The following STK32B variants were observed in gnomAD, a reference collection of about 807,000 sequenced individuals.
The protein encoded by STK32B is serine/threonine kinase 32B, also known as serine/threonine-protein kinase 32B.
A neutral mutation model predicts 52.6 loss-of-function variants in STK32B; 43 were observed. That is an observed-to-expected ratio of 0.82 (90% CI 0.64 to 1.05). The LOEUF is 1.05. Ranked by LOEUF, STK32B falls within the 50% of genes least tolerant of loss-of-function variation. The pLI, the probability that STK32B is intolerant of heterozygous loss-of-function variation, is 0.00. For synonymous variants in STK32B, 238 were observed against 204.3 expected (o/e 1.17, Z -1.41); for missense variants, 621 against 534.6 (o/e 1.16, Z -1.59).
At chr4:5,123,547 C>T (rs1466992001) in intron 1 of STK32B, among the ~76,000 whole-genome samples, 1 of 152,124 alleles carries the variant, frequency 6.6e-6, no homozygotes, top group Non-Finnish European at 1.5e-5. Context: ...GGCAACAAGT[C>T]TGAGATCAAG....
At chr4:5,174,381 A>G (rs972216160) in intron 3 of STK32B, among the ~76,000 whole-genome samples, 4 of 152,172 alleles carry the variant, frequency 2.6e-5, no homozygotes, top group African/African-American at 9.7e-5. Flanking sequence ...TAGTTGATGC[A>G]GTTTCTTCCT....
chr4:5,392,106 A>AT (rs2109037608), intron 4 of STK32B, among the ~76,000 whole-genome samples: 1 of 152,356 alleles, frequency 6.6e-6, no homozygotes, highest in African/African-American at 2.4e-5. Flanking sequence ...GTAATAAATG[A>AT]TAAGTTTCCT....
chr4:5,211,563 A>G (rs1722905691), intron 3 of STK32B, among the ~76,000 whole-genome samples: 1 of 152,086 alleles, frequency 6.6e-6, no homozygotes, highest in South Asian at 2.1e-4. Flanking sequence ...CTGTCCAGGG[A>G]GGTAGGACTA....
At chr4:5,435,551 T>G (rs1577492559) in intron 6 of STK32B, among the ~76,000 whole-genome samples, 1 of 152,230 alleles carries the variant, frequency 6.6e-6, no homozygotes, top group Non-Finnish European at 1.5e-5. Flanking sequence ...CAGATGCTCC[T>G]TAAAGATTAA....
intron 8 of STK32B, among the ~76,000 whole-genome samples, chr4:5,457,231 T>TA (rs1553893912): frequency 7.5e-5 from 11 of 146,410 alleles, no homozygotes; most frequent in African/African-American, 2.0e-4. Flanking sequence ...TTTTTTTTTT[T>TA]AATATACGGA....
At chr4:5,492,921 G>A (rs1260419865) in intron 11 of STK32B, among the ~76,000 whole-genome samples, 1 of 151,078 alleles carries the variant, frequency 6.6e-6, no homozygotes, top group Non-Finnish European at 1.5e-5. Context: ...TCCCAGGGAT[G>A]AAGCCCACTT....
chr4:5,454,784 G>A (rs1194665856), intron 7 of STK32B, among the ~76,000 whole-genome samples: 2 of 152,052 alleles, frequency 1.3e-5, no homozygotes, highest in Non-Finnish European at 2.9e-5. Context: ...CACGTAAGGG[G>A]CATTTTCAGT....
chr4:5,331,441 A>G, intron 4 of STK32B, 48 bp downstream of exon 4: 1 of 1,565,580 alleles, frequency 6.4e-7, no homozygotes. Context: ...ACCATGGGCT[A>G]GGGTGTCAGG....
At chr4:5,357,362 G>A (rs1734256454) in intron 4 of STK32B, among the ~76,000 whole-genome samples, 1 of 152,142 alleles carries the variant, frequency 6.6e-6, no homozygotes, top group Non-Finnish European at 1.5e-5. Context: ...CCATGTGCCT[G>A]CCATGGGGCT....
At chr4:5,437,073 G>T (rs1714148810) in intron 6 of STK32B, among the ~76,000 whole-genome samples, 1 of 152,226 alleles carries the variant, frequency 6.6e-6, no homozygotes, top group African/African-American at 2.4e-5. Flanking sequence ...GTGCACCAGG[G>T]CACCAATCCC....
At chr4:5,379,287 G>T (rs908006492) in intron 4 of STK32B, among the ~76,000 whole-genome samples, 1 of 151,970 alleles carries the variant, frequency 6.6e-6, no homozygotes, top group Non-Finnish European at 1.5e-5. Context: ...CTTTCACCAG[G>T]GCCCCCTTGT....
intron 3 of STK32B, among the ~76,000 whole-genome samples, chr4:5,265,319 T>A (rs1485887755): frequency 6.6e-6 from 1 of 152,240 alleles, no homozygotes; most frequent in Non-Finnish European, 1.5e-5. Flanking sequence ...TGGAAAGCGT[T>A]AATTCTTTAA....
chr4:5,127,926 C>T (rs1715505914), intron 1 of STK32B, among the ~76,000 whole-genome samples: 1 of 152,170 alleles, frequency 6.6e-6, no homozygotes, highest in Non-Finnish European at 1.5e-5. Flanking sequence ...AGTTCCCCTA[C>T]ACGAGCTCTC....
chr4:5,472,751 T>C (rs1353932410), intron 11 of STK32B, among the ~76,000 whole-genome samples: 1 of 152,230 alleles, frequency 6.6e-6, no homozygotes, highest in Non-Finnish European at 1.5e-5. Context: ...TTAAAAAATC[T>C]ACTATTGCAT....
intron 6 of STK32B, among the ~76,000 whole-genome samples, chr4:5,439,830 A>C (rs1714532709): frequency 6.6e-6 from 1 of 151,504 alleles, no homozygotes. Flanking sequence ...ATGGCTAGCC[A>C]GTTTTCCCAG....
At chr4:5,076,399 C>T (rs141855789) in intron 1 of STK32B, among the ~76,000 whole-genome samples, 157 of 152,192 alleles carry the variant, frequency 1.0e-3, no homozygotes, top group East Asian at 1.9e-3. Flanking sequence ...TTCTCATAAA[C>T]GATGCAAAAT....
rs55961955 is a variant in STK32B, at chr4:5,466,818, A to C, written c.1025A>C (p.Lys342Thr). 6.2e-7 allele frequency: 1 copy of C among 1,613,696 alleles called. No homozygotes were observed. Among genetic ancestry groups the C allele is most frequent in the Non-Finnish European group, 8.5e-7 (1 of 1,179,760 alleles). Residue 342 changes from lysine to threonine, a missense_variant, in exon 10 of 12, where the codon AAG (lysine) becomes ACG (threonine). Coordinates refer to ENST00000282908, the MANE Select transcript of STK32B (RefSeq NM_018401.3). ...LAKNRSRDGT[K>T]DSCPLNGHLQ... ...AAGAACAGATCCAGGGATGGCACAA[A>C]GGACAGCTGCCCGCTGGTGAGTGCT...
At chr4:5,077,175 A>G (rs1334427344) in intron 1 of STK32B, among the ~76,000 whole-genome samples, 1 of 152,158 alleles carries the variant, frequency 6.6e-6, no homozygotes, top group African/African-American at 2.4e-5. Flanking sequence ...TTTTTATGTA[A>G]TATTTGTCGA....
At chr4:5,190,655 T>C (rs1721115913) in intron 3 of STK32B, among the ~76,000 whole-genome samples, 1 of 152,084 alleles carries the variant, frequency 6.6e-6, no homozygotes, top group African/African-American at 2.4e-5. Context: ...CTCAAATCAT[T>C]ATAAACAGAG....
Sources: allele counts gnomAD v4.1 joint callset (sites outside exome capture counted in the v4.1 genomes callset), GRCh38; gene constraint gnomAD v4.1.1; transcripts MANE v1.5; gene names NCBI Gene and HGNC (gene_info 2026-07-23, HGNC 2026-07-21).